AGO4: variants seen among roughly 807,000 people sequenced by gnomAD.
AGO4 encodes protein argonaute-4.
In AGO4, 33 loss-of-function variants were observed where a neutral mutation model predicts 104.7. The observed-to-expected ratio is 0.32, with a 90% CI of 0.24 to 0.42. AGO4 has a LOEUF of 0.42. Among genes scored for constraint, AGO4 ranks in the 10% least tolerant of loss-of-function variants. The pLI, the probability that AGO4 is intolerant of heterozygous loss-of-function variation, is 1.00. For missense variants in AGO4, 711 were observed against 1,083.4 expected, an observed-to-expected ratio of 0.66 and a Z score of 4.83; for synonymous variants, 331 against 364.7, an observed-to-expected ratio of 0.91 and a Z score of 1.05.
intron 1 of AGO4, among the ~76,000 whole-genome samples, chr1:35,810,027 C>CTT (rs369131487): frequency 3.0e-3 from 442 of 147,386 alleles, no homozygotes; most frequent in African/African-American, 9.4e-3. Flanking sequence ...CCCAGGGACT[C>CTT]TTTTTTTTTT....
chr1:35,813,364 G>A (rs1643571108), intron 1 of AGO4, among the ~76,000 whole-genome samples: 3 of 151,380 alleles, frequency 2.0e-5, no homozygotes, highest in Admixed American at 1.3e-4. Context: ...AGCCAAGATT[G>A]TGCCACTGCA....
rs1274679165 is a variant in AGO4, at chr1:35,855,569, T to C, written c.*1964T>C. ...AGACGTCCTTAATCCCTGCAGATAG[T>C]GGGATGAAAGCAAGTTCTGTAAAAT... On this transcript the variant is annotated 3_prime_UTR_variant, in exon 18 of 18. Transcript: ENST00000373210. 1 of 151,752 alleles carries C rather than the reference T, an allele frequency of 6.6e-6. No homozygotes were observed. The highest frequency in any genetic ancestry group is 2.4e-5 in the African/African-American group (1 of 41,076). 9.4% of individuals were successfully genotyped at this position (151,752 alleles called of 1,614,324 possible). A position where few individuals can be genotyped will look rare whatever the true frequency, so the allele number is the denominator to read the frequency against.
chr1:35,826,623 T>C, intron 6 of AGO4, 125 bp from the exon 7 acceptor site: 1 of 839,570 alleles, frequency 1.2e-6, no homozygotes, highest in South Asian at 1.5e-5. Flanking sequence ...ACGATGAAAT[T>C]GTCCCCATAT....
chr1:35,838,016 G>A (rs2148674404), intron 13 of AGO4, among the ~76,000 whole-genome samples: 1 of 151,900 alleles, frequency 6.6e-6, no homozygotes, highest in Middle Eastern at 3.4e-3. Context: ...CTGAGTAGCT[G>A]GGACTACAGG....
Position 35,821,520 on chromosome 1 carries a change from G to A in AGO4, c.186-1342G>A, listed in dbSNP as rs72902942. Among the ~76,000 whole-genome samples the A allele has an allele frequency of 1.8e-3, 270 of 152,192 alleles. 2 individuals are homozygous for A. Among genetic ancestry groups the A allele is most frequent in the African/African-American group, 6.2e-3 (259 of 41,502 alleles). On this transcript the variant is annotated intron_variant, in intron 2 of 17. Transcript: ENST00000373210. ...TCCATATCTTAAACTCTATACACCA[G>A]TTTTTTTGCCACTGCATTTATTCCA...
At chr1:35,827,295 A>G (rs1368951333) in intron 7 of AGO4, among the ~76,000 whole-genome samples, 2 of 152,134 alleles carry the variant, frequency 1.3e-5, no homozygotes, top group East Asian at 1.9e-4. Flanking sequence ...CGAGCCAGGC[A>G]GATCACTTGA....
intron 11 of AGO4, among the ~76,000 whole-genome samples, chr1:35,833,213 A>G (rs1021838032): frequency 6.6e-6 from 1 of 152,322 alleles, no homozygotes; most frequent in South Asian, 2.1e-4. Flanking sequence ...CAGGAGGCAG[A>G]GGTTGCAGTG....
chr1:35,835,821 A>T lies in AGO4; in HGVS notation c.1565-13A>T, dbSNP rs753394419. The T allele has an allele frequency of 6.3e-7, 1 of 1,575,390 alleles. No homozygotes were observed. Among genetic ancestry groups the T allele is most frequent in the Admixed American group, 2.0e-5 (1 of 50,418 alleles). ...CATTTAAACATGTTAAAATTAATAA[A>T]TTATTTTTGTAGCGGAGGTGAAACG... On this transcript the variant is annotated splice_polypyrimidine_tract_variant and intron_variant, in intron 12 of 17. Coordinates refer to ENST00000373210, the MANE Select transcript of AGO4 (RefSeq NM_017629.4).
rs1256226555 is a variant in AGO4 at position 35,841,264 on chromosome 1, C to T, written c.1824C>T (p.Gly608=). 1.9e-6 allele frequency: 3 copies of T among 1,613,972 alleles called. No individual in the cohort carries two copies. Among genetic ancestry groups the T allele is most frequent in the Non-Finnish European group, 2.5e-6 (3 of 1,180,018 alleles). ...AACCTTCCATTGCTGCTGTGGTTGG[C>T]AGTATGGATGGCCACCCCAGCCGGT... ...GKKPSIAAVV[G]SMDGHPSRYC... Residue 608 remains glycine (G), a synonymous_variant, in exon 14 of 18, where the codon GGC becomes GGT. Coordinates refer to ENST00000373210, the MANE Select transcript of AGO4 (RefSeq NM_017629.4). This position sits in a 1 kb window ranked among gnomAD's most constrained non-coding sequence, Gnocchi z 4.7.
rs554147638 is a variant in AGO4 at position 35,843,978 on chromosome 1, A to C, written c.2175+2228A>C. Among the ~76,000 whole-genome samples the C allele has an allele frequency of 2.6e-5, 4 of 152,190 alleles. No homozygotes were observed. The East Asian group carries it at 7.7e-4, about 29-fold the overall frequency. On this transcript the variant is annotated intron_variant, in intron 15 of 17. Coordinates refer to ENST00000373210, the MANE Select transcript of AGO4 (RefSeq NM_017629.4). ...CTCTAAGCATGCCTCTTGCCAATCC[A>C]CTTGCCCATTTATTTTGCCTCTACT... is the stretch of plus-strand genomic sequence containing the variant.
chr1:35,841,986 G>A lies in AGO4; in HGVS notation c.2175+236G>A, dbSNP rs534366043. 2.6e-5 allele frequency among the ~76,000 whole-genome samples: 4 copies of A among 152,000 alleles called. No individual in the cohort carries two copies. Among genetic ancestry groups the A allele is most frequent in the South Asian group, 2.1e-4 (1 of 4,790 alleles). On this transcript the variant is annotated intron_variant, in intron 15 of 17. Transcript: ENST00000373210. The surrounding 1 kb of genome is among the most constrained non-coding windows in gnomAD (Gnocchi z 4.7). Reference sequence around the variant, plus strand: ...TGTATAACAGAAATGCTGATTTCTCGAGTTGTTTTTGTGTCGGGGGGAGTA... The same window carrying A: ...TGTATAACAGAAATGCTGATTTCTCAAGTTGTTTTTGTGTCGGGGGGAGTA...
rs2148672336 is a variant in AGO4 at position 35,836,006 on chromosome 1, A to G, written c.1724+13A>G. 1 of 1,607,840 alleles carries G rather than the reference A, an allele frequency of 6.2e-7. No homozygotes were observed. The highest frequency in any genetic ancestry group is 2.2e-5 in the East Asian group (1 of 44,822). ...TGCCTCATCAAAGGTAAGATTCTGAATGCTTTCCCCACTTTTGTTTAAGAT... is the reference window on the plus strand; with the variant it reads ...TGCCTCATCAAAGGTAAGATTCTGAGTGCTTTCCCCACTTTTGTTTAAGAT... On this transcript the variant is annotated intron_variant, in intron 13 of 17. Transcript: ENST00000373210.
rs1643369136 is a variant in AGO4 at position 35,808,425 on chromosome 1, G to T, written c.9G>T (p.Ala3=). ME[A]LGPGPPASLF... ...CGGCCCCCGCCGCCGCCATGGAGGC[G>T]CTGGGACCCGGTGAGGAGCGAGCTC... Residue 3 remains alanine, a synonymous_variant, in exon 1 of 18, where the codon GCG becomes GCT. Coordinates refer to ENST00000373210, the MANE Select transcript of AGO4 (RefSeq NM_017629.4). This position sits in a 1 kb window ranked among gnomAD's most constrained non-coding sequence, Gnocchi z 5.2. The T allele has an allele frequency of 5.1e-6, 6 of 1,165,960 alleles. No individual in the cohort carries two copies. The highest frequency in any genetic ancestry group is 3.2e-5 in the African/African-American group (2 of 61,776). The allele number at this position is 1,165,960 out of a possible 1,614,324, so 72.2% of individuals were successfully genotyped here. A position where few individuals can be genotyped will look rare whatever the true frequency, so the allele number is the denominator to read the frequency against.
rs1345220961 is a variant in AGO4 at position 35,853,644 on chromosome 1, T to C, written c.*39T>C. 12 of 1,584,854 alleles carry C rather than the reference T, an allele frequency of 7.6e-6. No homozygotes were observed. Among genetic ancestry groups the C allele is most frequent in the Non-Finnish European group, 9.5e-6 (11 of 1,155,152 alleles). ...AGAACTCAACCAATTTGGCACCCCA[T>C]GCAGCCTCAAAATGTTTCAAATGCC... On this transcript the variant is annotated 3_prime_UTR_variant, in exon 18 of 18. Coordinates refer to ENST00000373210, the MANE Select transcript of AGO4 (RefSeq NM_017629.4).
chr1:35,827,945 A>G (rs1172327180), intron 7 of AGO4, among the ~76,000 whole-genome samples: 3 of 151,388 alleles, frequency 2.0e-5, no homozygotes, highest in East Asian at 2.0e-4. Context: ...GGGTTTTGCT[A>G]TGTTGCCCAG....
At chr1:35,821,230 C>T (rs984037259) in intron 2 of AGO4, among the ~76,000 whole-genome samples, 2 of 152,096 alleles carry the variant, frequency 1.3e-5, no homozygotes, top group African/African-American at 4.8e-5. Flanking sequence ...AGTATGAAAA[C>T]GTATAGTTCT....
intron 3 of AGO4, among the ~76,000 whole-genome samples, chr1:35,824,771 A>C (rs1643970856): frequency 6.6e-6 from 1 of 152,192 alleles, no homozygotes; most frequent in Admixed American, 6.5e-5. Flanking sequence ...ACTGCACTCC[A>C]GCTTGGATGA....
rs1312124054 is a variant in AGO4 at position 35,831,316 on chromosome 1, A to C, written c.849-111A>C. On this transcript the variant is annotated intron_variant, in intron 7 of 17. Transcript: ENST00000373210. ...GGCGGAGGTTGAGATCACGCCATGC[A>C]CTCCAGCCTGGGCGACAGAGTGAGA... 2.5e-6 allele frequency: 3 copies of C among 1,191,084 alleles called. No individual in the cohort carries two copies. In the African/African-American group the frequency reaches 4.7e-5, roughly 19 times the overall value. The allele number at this position is 1,191,084 out of a possible 1,614,324, so 73.8% of individuals were successfully genotyped here.
intron 15 of AGO4, among the ~76,000 whole-genome samples, chr1:35,849,213 AAG>A (rs1488591157): frequency 1.3e-5 from 2 of 152,274 alleles, no homozygotes; most frequent in East Asian, 3.9e-4. Flanking sequence ...TTAAAAGGGT[AAG>A]AGAACATCAC....
Sources: allele counts gnomAD v4.1 joint callset (sites outside exome capture counted in the v4.1 genomes callset), GRCh38; gene constraint gnomAD v4.1.1; non-coding constraint Gnocchi (gnomAD v3.1); transcripts MANE v1.5; gene names NCBI Gene and HGNC (gene_info 2026-07-23, HGNC 2026-07-21).